The following NLGN1 variants were observed in gnomAD, a reference collection of about 807,000 sequenced individuals.
The protein encoded by NLGN1 is neuroligin 1.
Under a neutral mutation model 65.5 loss-of-function variants are expected in NLGN1, and 12 were observed. The observed-to-expected ratio is 0.18, with a 90% confidence interval of 0.12 to 0.30. NLGN1 has a LOEUF of 0.30. Ranked by LOEUF, NLGN1 falls within the 10% of genes least tolerant of loss-of-function variation. The pLI is 1.00. For synonymous variants in NLGN1, 350 were observed against 359.5 expected (o/e 0.97, Z 0.30); for missense variants, 750 against 1,007.1 (o/e 0.74, Z 3.46).
At chr3:173,405,690 G>C (rs1002236777) in intron 1 of NLGN1, among the ~76,000 whole-genome samples, 50 of 151,928 alleles carry the variant, frequency 3.3e-4, no homozygotes, top group Non-Finnish European at 6.9e-4. Context: ...AATATAGCTA[G>C]TCTTAAGAAA....
intron 3 of NLGN1, among the ~76,000 whole-genome samples, chr3:173,668,653 T>C (rs1762049506): frequency 6.8e-6 from 1 of 146,414 alleles, no homozygotes; most frequent in Non-Finnish European, 1.5e-5. Flanking sequence ...AGAGTCTCAC[T>C]CCGTCACCCA....
At position 173,444,491 on chromosome 3, in the gene NLGN1, T is replaced by A. The variant is rs188521978; in HGVS notation, c.-321+9413T>A. On this transcript the variant is annotated intron_variant, in intron 2 of 6. Transcript: ENST00000457714. Reference sequence around the variant, plus strand: ...CTGGATAAGGCAACTTCTGCATAGTTGATTTTTAAGCTAAAAATTACAACT... The same window carrying A: ...CTGGATAAGGCAACTTCTGCATAGTAGATTTTTAAGCTAAAAATTACAACT... 1.6e-3 allele frequency among the ~76,000 whole-genome samples: 250 copies of A among 152,318 alleles called. 1 individual carries two copies. Among genetic ancestry groups the A allele is most frequent in the Non-Finnish European group, 2.5e-3 (171 of 68,034 alleles).
intron 2 of NLGN1, among the ~76,000 whole-genome samples, chr3:173,521,889 A>G (rs1361013078): frequency 2.6e-5 from 4 of 152,208 alleles, no homozygotes. Flanking sequence ...GGAAGAACAC[A>G]ATAAATTCTA....
chr3:174,020,722 T>C (rs1727585738), intron 4 of NLGN1, among the ~76,000 whole-genome samples: 1 of 152,144 alleles, frequency 6.6e-6, no homozygotes, highest in South Asian at 2.1e-4. Flanking sequence ...GTTTGTGTTA[T>C]GCTCTTTAGT....
intron 4 of NLGN1, among the ~76,000 whole-genome samples, chr3:173,817,788 G>A (rs1208027742): frequency 6.6e-6 from 1 of 152,084 alleles, no homozygotes; most frequent in Non-Finnish European, 1.5e-5. Context: ...CTTCATTTAA[G>A]TTTTGAGTTG....
At chr3:174,076,722 AGAGTGT>A (rs1238822805) in intron 4 of NLGN1, among the ~76,000 whole-genome samples, 221 of 102,886 alleles carry the variant, frequency 2.1e-3, no homozygotes, top group Admixed American at 4.5e-3. Flanking sequence ...AGAGAGAGAG[AGAGTGT>A]GTGTGTGTGT....
intron 3 of NLGN1, among the ~76,000 whole-genome samples, chr3:173,671,426 GA>G (rs140183639): frequency 0.028 from 4,263 of 152,278 alleles, 89 homozygotes; most frequent in Middle Eastern, 0.044. Flanking sequence ...AGGCAACAGT[GA>G]ACTGTGATTG....
intron 2 of NLGN1, among the ~76,000 whole-genome samples, chr3:173,537,127 G>T (rs146305211): frequency 1.1e-3 from 165 of 152,266 alleles, no homozygotes; most frequent in African/African-American, 3.9e-3. Flanking sequence ...ATCTCGCCCA[G>T]AAACACTCTC....
chr3:173,618,580 G>A (rs892510800), intron 3 of NLGN1, among the ~76,000 whole-genome samples: 1 of 152,140 alleles, frequency 6.6e-6, no homozygotes, highest in Non-Finnish European at 1.5e-5. Flanking sequence ...GAGAGAGTGA[G>A]ACTATATTAT....
At chr3:174,088,319 A>G (rs1743810862) in intron 4 of NLGN1, among the ~76,000 whole-genome samples, 1 of 152,220 alleles carries the variant, frequency 6.6e-6, no homozygotes, top group South Asian at 2.1e-4. Context: ...GAGATTACGT[A>G]GGAGGCCTTT....
At chr3:174,081,995 A>C (rs1277245789) in intron 4 of NLGN1, among the ~76,000 whole-genome samples, 1 of 152,216 alleles carries the variant, frequency 6.6e-6, no homozygotes, top group Non-Finnish European at 1.5e-5. Context: ...AGAGTAGTTG[A>C]TGATTCCAAT....
chr3:173,753,212 TGC>T (rs1776562073), intron 3 of NLGN1, among the ~76,000 whole-genome samples: 1 of 152,166 alleles, frequency 6.6e-6, no homozygotes, highest in Admixed American at 6.6e-5. Context: ...GAATTTATAA[TGC>T]TTAAATTTAG....
chr3:174,166,716 T>G (rs1727557309), intron 4 of NLGN1, among the ~76,000 whole-genome samples: 1 of 152,130 alleles, frequency 6.6e-6, no homozygotes, highest in Non-Finnish European at 1.5e-5. Flanking sequence ...ACATTTCAAG[T>G]TGAAGTCCAG....
chr3:173,402,326 T>C (rs909097819), intron 1 of NLGN1, among the ~76,000 whole-genome samples: 2 of 152,178 alleles, frequency 1.3e-5, no homozygotes, highest in Admixed American at 6.5e-5. Context: ...CCAATGATCT[T>C]GTCTGATTGA....
intron 4 of NLGN1, among the ~76,000 whole-genome samples, chr3:174,224,436 C>T (rs537023762): frequency 3.9e-5 from 6 of 152,298 alleles, no homozygotes; most frequent in Admixed American, 2.0e-4. Context: ...TGATGGCTCA[C>T]GCCTGCAATC....
intron 3 of NLGN1, among the ~76,000 whole-genome samples, chr3:173,713,777 G>C (rs368344417): frequency 6.6e-6 from 1 of 152,154 alleles, no homozygotes; most frequent in East Asian, 1.9e-4. Flanking sequence ...CTCAACAAAG[G>C]TTAATTATAA....
At chr3:173,892,690 T>C (rs1360776131) in intron 4 of NLGN1, among the ~76,000 whole-genome samples, 1 of 148,752 alleles carries the variant, frequency 6.7e-6, no homozygotes, top group South Asian at 2.1e-4. Flanking sequence ...CAGACACTCG[T>C]GGGGTTTCCA....
intron 4 of NLGN1, among the ~76,000 whole-genome samples, chr3:174,196,947 G>A (rs1046610636): frequency 2.0e-5 from 3 of 152,092 alleles, no homozygotes; most frequent in African/African-American, 7.2e-5. Context: ...GGTAGAAGTA[G>A]GGCTTAACCC....
At chr3:173,420,122 A>G (rs1220656251) in intron 1 of NLGN1, among the ~76,000 whole-genome samples, 2 of 151,760 alleles carry the variant, frequency 1.3e-5, no homozygotes, top group Non-Finnish European at 2.9e-5. Flanking sequence ...CATGTGCACA[A>G]CGTGCAGGTT....
Sources: gnomAD v4.1 joint callset for allele counts (sites outside exome capture counted in the v4.1 genomes callset) on GRCh38, gnomAD v4.1.1 for gene constraint, MANE v1.5 for transcripts, NCBI Gene and HGNC (gene_info 2026-07-23, HGNC 2026-07-21) for gene names.